Variants in SEC24C observed in about 807,000 individuals in gnomAD.
The protein encoded by SEC24C is protein transport protein Sec24C.
In SEC24C, 22 loss-of-function variants were observed where a neutral mutation model predicts 117.0. The ratio of observed to expected loss-of-function variants is 0.19; its 90% CI spans 0.13 to 0.27. The LOEUF (loss-of-function observed/expected upper bound fraction) is 0.27. Among genes scored for constraint, SEC24C ranks in the 10% least tolerant of loss-of-function variants. The pLI is 1.00. For synonymous variants in SEC24C, 506 were observed against 529.4 expected, an observed-to-expected ratio of 0.96 and a Z score of 0.61; for missense variants, 1,155 against 1,375.1, an observed-to-expected ratio of 0.84 and a Z score of 2.53.
intron 2 of SEC24C, among the ~76,000 whole-genome samples, chr10:73,747,722 C>T (rs1385702714): frequency 2.0e-5 from 3 of 148,754 alleles, no homozygotes; most frequent in Non-Finnish European, 3.0e-5. Context: ...TGCAGTGGCA[C>T]GATCTCGGCT....
chr10:73,771,079 G>A lies in SEC24C; in HGVS notation c.3269G>A (p.Arg1090Gln), dbSNP rs747617204. 9.3e-6 allele frequency: 15 copies of A among 1,613,900 alleles called. No homozygotes were observed. The highest frequency in any genetic ancestry group is 2.2e-5 in the East Asian group (1 of 44,896). The change falls in exon 23 of 23, where the codon CGG becomes CAG. Residue 1090 changes from arginine to glutamine, a missense_variant. Transcript: ENST00000345254. Reference sequence around the variant, plus strand: ...CTCTGTCATATGCACAAGGAGATTCGGCAGCTACTGAGCTAAAGCAAGTGG... The same window carrying A: ...CTCTGTCATATGCACAAGGAGATTCAGCAGCTACTGAGCTAAAGCAAGTGG... ...DFLCHMHKEI[R>Q]QLLS
chr10:73,769,914 G>C lies in SEC24C; in HGVS notation c.2761G>C (p.Ala921Pro). The change falls in exon 20 of 23, where the codon GCT becomes CCT. Residue 921 changes from alanine (A) to proline (P), a missense_variant. By Grantham distance (27) the Ala-to-Pro change is conservative. Coordinates refer to ENST00000345254, the MANE Select transcript of SEC24C (RefSeq NM_198597.3). The surrounding 1 kb of genome is among the most constrained non-coding windows in gnomAD (Gnocchi z 4.5). ...VLKSDVLQPG[A>P]EVTTDDRAYV... ...GAAGAGTGATGTCCTGCAGCCTGGA[G>C]CTGAAGTCACTACTGATGACCGTGC... is the stretch of plus-strand genomic sequence containing the variant. 1 of 1,614,220 alleles carries C rather than the reference G, an allele frequency of 6.2e-7. No homozygotes were observed. Among genetic ancestry groups the C allele is most frequent in the African/African-American group, 1.3e-5 (1 of 75,058 alleles).
At chr10:73,752,885 T>C (rs1172402734) in intron 3 of SEC24C, among the ~76,000 whole-genome samples, 1 of 152,084 alleles carries the variant, frequency 6.6e-6, no homozygotes, top group East Asian at 1.9e-4. Flanking sequence ...TAAATTATTA[T>C]ATAGCAAACT....
At chr10:73,763,362 G>C (rs2082826352) in intron 6 of SEC24C, 128 bp from the exon 7 acceptor site, 1 of 584,436 alleles carries the variant, frequency 1.7e-6, no homozygotes, top group Admixed American at 2.7e-5. Flanking sequence ...AACAGGCCTG[G>C]TGTATGAGGT....
intron 8 of SEC24C, 54 bp from the exon 9 acceptor site, chr10:73,765,397 C>T: frequency 6.3e-7 from 1 of 1,583,720 alleles, no homozygotes; most frequent in Non-Finnish European, 8.6e-7. Flanking sequence ...CATCTCCTGG[C>T]TGAACCTACT....
At chr10:73,763,698 T>TTTTTTA (rs1309320258) in intron 7 of SEC24C, 97 bp downstream of exon 7, 10 of 747,138 alleles carry the variant, frequency 1.3e-5, no homozygotes, top group Admixed American at 3.7e-5. Context: ...TTTTTTTTTT[T>TTTTTTA]TAGTTTTTAA....
intron 1 of SEC24C, among the ~76,000 whole-genome samples, chr10:73,745,548 C>CTTTATTTTTTATTT (rs60715941): frequency 6.7e-6 from 1 of 149,772 alleles, no homozygotes; most frequent in Non-Finnish European, 1.5e-5. Flanking sequence ...TTCAGGTGTC[C>CTTTATTTTTTATTT]TTTATTTTTT....
intron 6 of SEC24C, chr10:73,762,210 AGT>A: frequency 8.1e-7 from 1 of 1,239,812 alleles, no homozygotes; most frequent in Non-Finnish European, 1.1e-6. Context: ...TTCCTGTGTT[AGT>A]GCCATCCATG....
At position 73,766,513 on chromosome 10, in the gene SEC24C, G is replaced by A. The variant is rs377675100; in HGVS notation, c.1771G>A (p.Val591Ile). ...VPLLDGFLVN[V>I]NESRAVITSL... ...ACTGCTGGATGGCTTCCTGGTCAAC[G>A]TCAATGAGTCTCGGGCAGTTATCAC... is the stretch of plus-strand genomic sequence containing the variant. The change falls in exon 12 of 23, where the codon GTC becomes ATC. Residue 591 changes from valine (V) to isoleucine (I), a missense_variant. By Grantham distance (29) the Val-to-Ile change is conservative (BLOSUM62 3). Around this residue, in one of 2 missense-constraint regions of SEC24C, gnomAD observed 759 missense variants for 992.3 expected, o/e 0.76. Coordinates refer to ENST00000345254, the MANE Select transcript of SEC24C (RefSeq NM_198597.3). 47 of 1,611,720 alleles carry A rather than the reference G, an allele frequency of 2.9e-5. No individual in the cohort carries two copies. The highest frequency in any genetic ancestry group is 2.5e-4 in the African/African-American group (19 of 74,910).
intron 7 of SEC24C, 111 bp from the exon 8 acceptor site, chr10:73,763,745 A>T: frequency 8.5e-7 from 1 of 1,175,128 alleles, no homozygotes; most frequent in Non-Finnish European, 1.2e-6. Context: ...CTGGGGGAAA[A>T]AGCCACCATC....
intron 1 of SEC24C, among the ~76,000 whole-genome samples, chr10:73,745,810 A>G (rs2082539921): frequency 6.6e-6 from 1 of 151,888 alleles, no homozygotes; most frequent in Admixed American, 6.6e-5. Flanking sequence ...TTGGCCTTCC[A>G]AAGTGCTGGG....
chr10:73,759,879 C>T, intron 4 of SEC24C, 85 bp downstream of exon 4: 2 of 1,485,812 alleles, frequency 1.3e-6, no homozygotes, highest in Non-Finnish European at 1.8e-6. Flanking sequence ...TCTTTTATTT[C>T]CCTTGTATTT....
rs1297690811 is a variant in SEC24C, at chr10:73,746,466, G to A, written c.-28-339G>A. 2.0e-5 allele frequency among the ~76,000 whole-genome samples: 3 copies of A among 152,192 alleles called. No homozygotes were observed. The East Asian group carries it at 5.8e-4, about 29-fold the overall frequency. On this transcript the variant is annotated intron_variant, in intron 1 of 22. Coordinates refer to ENST00000345254, the MANE Select transcript of SEC24C (RefSeq NM_198597.3). The stretch of plus-strand genomic sequence containing the variant: ...TGTTTCTTTCACCTGTAACATCAAG[G>A]TAGTTCATCAGCCACAAGACTGTGT...
chr10:73,750,596 T>C (rs770968840), intron 2 of SEC24C, among the ~76,000 whole-genome samples: 2 of 152,138 alleles, frequency 1.3e-5, no homozygotes, highest in Non-Finnish European at 2.9e-5. Context: ...CACTTAGAAG[T>C]GGATGAAAGG....
chr10:73,753,326 A>G (rs896025504), intron 3 of SEC24C, among the ~76,000 whole-genome samples: 2 of 152,182 alleles, frequency 1.3e-5, no homozygotes, highest in Non-Finnish European at 2.9e-5. Context: ...TGCTGGGATT[A>G]CAGGTGTGAG....
intron 2 of SEC24C, among the ~76,000 whole-genome samples, chr10:73,750,065 A>G (rs1328679784): frequency 6.6e-6 from 1 of 152,212 alleles, no homozygotes; most frequent in African/African-American, 2.4e-5. Context: ...GGGAAAAAAT[A>G]TTGTGATGAG....
intron 3 of SEC24C, among the ~76,000 whole-genome samples, chr10:73,758,574 C>G (rs1482170262): frequency 6.6e-6 from 1 of 152,196 alleles, no homozygotes; most frequent in African/African-American, 2.4e-5. Context: ...TTCCCCTATT[C>G]TTCCAACCTT....
chr10:73,766,998 C>T (rs41280410), intron 13 of SEC24C, 56 bp from the exon 14 acceptor site: 89,155 of 1,467,482 alleles, frequency 0.061, 3,113 homozygotes, highest in Middle Eastern at 0.075. Context: ...TAATAAATGA[C>T]AAGGGAAGAG....
Position 73,767,995 on chromosome 10 carries a change from T to G in SEC24C, c.2169T>G (p.Tyr723Ter). ...TCACTGGTGGCTCTGTCTACAAATA[T>G]GCTTCCTTTCAGGTATGGTGTGGGA... ...PQLTGGSVYKYASFQVENDQE... is the reference protein window; with the variant it reads ...PQLTGGSVYK Residue 723 changes from tyrosine to a stop codon, truncating the protein, a stop_gained, in exon 15 of 23, where the codon TAT (tyrosine) becomes TAG (stop). Coordinates refer to ENST00000345254, the MANE Select transcript of SEC24C (RefSeq NM_198597.3). LOFTEE classifies it high-confidence loss of function. 6.2e-7 allele frequency: 1 copy of G among 1,611,808 alleles called. No homozygotes were observed.
Sources: gnomAD v4.1 joint callset for allele counts (sites outside exome capture counted in the v4.1 genomes callset) on GRCh38, gnomAD v4.1.1 for gene constraint, gnomAD v4.1.1 regional missense constraint, Gnocchi (gnomAD v3.1) non-coding constraint, MANE v1.5 for transcripts, NCBI Gene and HGNC (gene_info 2026-07-23, HGNC 2026-07-21) for gene names.